The following ADCY8 variants were observed in gnomAD, a reference collection of about 807,000 sequenced individuals.
ADCY8 encodes adenylate cyclase type 8.
Under a neutral mutation model 119.7 loss-of-function variants are expected in ADCY8, and 51 were observed. The ratio of observed to expected loss-of-function variants is 0.43; its 90% CI spans 0.34 to 0.54. The LOEUF is 0.54. ADCY8 is among the 20% of genes least tolerant of loss of function. The pLI is 0.03. For synonymous variants in ADCY8, 665 were observed against 651.0 expected (o/e 1.02, Z -0.33); for missense variants, 1,383 against 1,598.8 (o/e 0.87, Z 2.30).
intron 11 of ADCY8, among the ~76,000 whole-genome samples, chr8:130,840,144 A>C (rs1314230868): frequency 7.2e-6 from 1 of 139,598 alleles, no homozygotes; most frequent in African/African-American, 2.4e-5. Context: ...AGGAAAAGGC[A>C]GTGAGTTCTT....
chr8:131,032,970 A>C (rs1388208660), intron 1 of ADCY8, among the ~76,000 whole-genome samples: 2 of 152,192 alleles, frequency 1.3e-5, no homozygotes, highest in Non-Finnish European at 2.9e-5. Flanking sequence ...TGCAACCTTC[A>C]ATACTGCCAC....
chr8:130,780,979 G>T, intron 17 of ADCY8, 102 bp from the exon 18 acceptor site: 1 of 1,467,654 alleles, frequency 6.8e-7, no homozygotes, highest in Non-Finnish European at 9.3e-7. Context: ...TGGGGTCTCT[G>T]TGGATGAACG....
At chr8:130,912,665 G>A (rs1820017196) in intron 5 of ADCY8, among the ~76,000 whole-genome samples, 1 of 152,156 alleles carries the variant, frequency 6.6e-6, no homozygotes, top group Admixed American at 6.5e-5. Context: ...TTGAGAATAT[G>A]GAAATATTGT....
chr8:130,900,593 TA>T (rs1028011575), intron 7 of ADCY8, among the ~76,000 whole-genome samples: 13 of 152,178 alleles, frequency 8.5e-5, no homozygotes, highest in African/African-American at 3.1e-4. Context: ...CCTTCCTTCT[TA>T]AAATGCCATA....
At chr8:130,828,100 C>T (rs1816721078) in intron 12 of ADCY8, among the ~76,000 whole-genome samples, 1 of 152,166 alleles carries the variant, frequency 6.6e-6, no homozygotes, top group Non-Finnish European at 1.5e-5. Context: ...GGCTTCTGAA[C>T]TGACGCCAGC....
intron 1 of ADCY8, among the ~76,000 whole-genome samples, chr8:131,034,633 C>A (rs922133250): frequency 6.6e-6 from 1 of 152,100 alleles, no homozygotes; most frequent in Non-Finnish European, 1.5e-5. Flanking sequence ...AATCTGACAG[C>A]ATGACCTTGA....
intron 5 of ADCY8, among the ~76,000 whole-genome samples, chr8:130,916,845 A>G (rs1462054287): frequency 6.6e-6 from 1 of 152,168 alleles, no homozygotes; most frequent in Non-Finnish European, 1.5e-5. Flanking sequence ...ATGTGGGTAA[A>G]TCTCTGTTCG....
intron 11 of ADCY8, among the ~76,000 whole-genome samples, chr8:130,843,347 C>G (rs1485664411): frequency 2.0e-5 from 3 of 152,158 alleles, no homozygotes. Context: ...CACATGCATG[C>G]ACTGATTGAA....
At chr8:130,968,467 G>A (rs977963839) in intron 2 of ADCY8, among the ~76,000 whole-genome samples, 1 of 152,114 alleles carries the variant, frequency 6.6e-6, no homozygotes, top group African/African-American at 2.4e-5. Context: ...CACCGCACCC[G>A]GCCAGTTATT....
intron 12 of ADCY8, among the ~76,000 whole-genome samples, chr8:130,827,606 C>A: frequency 6.6e-6 from 1 of 152,156 alleles, no homozygotes; most frequent in East Asian, 1.9e-4. Flanking sequence ...CCTTTCTCTT[C>A]CTTTCTCTTT....
intron 14 of ADCY8, among the ~76,000 whole-genome samples, 187 bp downstream of exon 14, chr8:130,813,882 T>C (rs970412129): frequency 6.6e-6 from 1 of 152,184 alleles, no homozygotes; most frequent in Admixed American, 6.5e-5. Context: ...CCTTATTATA[T>C]CCATCTTGTA....
chr8:130,994,380 G>T (rs1187051595), intron 1 of ADCY8, among the ~76,000 whole-genome samples: 1 of 152,184 alleles, frequency 6.6e-6, no homozygotes, highest in Non-Finnish European at 1.5e-5. Context: ...TTCCACCAAA[G>T]CTTCCCCATC....
At chr8:131,020,274 G>A (rs1212491578) in intron 1 of ADCY8, among the ~76,000 whole-genome samples, 3 of 152,146 alleles carry the variant, frequency 2.0e-5, no homozygotes, top group Non-Finnish European at 4.4e-5. Context: ...TAGATTAGAA[G>A]GGGGCAAAAG....
chr8:130,856,379 A>C (rs1248964837), intron 9 of ADCY8, among the ~76,000 whole-genome samples: 1 of 152,046 alleles, frequency 6.6e-6, no homozygotes, highest in Non-Finnish European at 1.5e-5. Context: ...AGTGTTTGCC[A>C]GGAATGTTAA....
intron 14 of ADCY8, among the ~76,000 whole-genome samples, chr8:130,812,102 A>C (rs1816187001): frequency 6.6e-6 from 1 of 152,128 alleles, no homozygotes; most frequent in African/African-American, 2.4e-5. Flanking sequence ...CACTGCCACC[A>C]TCCTAGGCCT....
intron 9 of ADCY8, among the ~76,000 whole-genome samples, chr8:130,866,642 C>T (rs986114764): frequency 1.3e-5 from 2 of 152,182 alleles, no homozygotes; most frequent in Non-Finnish European, 2.9e-5. Flanking sequence ...ACCTTTTCTG[C>T]AAATTTTTCC....
chr8:130,793,624 G>A (rs1485121274), intron 15 of ADCY8, among the ~76,000 whole-genome samples: 1 of 152,200 alleles, frequency 6.6e-6, no homozygotes, highest in Non-Finnish European at 1.5e-5. Flanking sequence ...CCCATAAACA[G>A]CAAATTCTCT....
At chr8:130,919,039 G>A (rs1360981369) in intron 5 of ADCY8, among the ~76,000 whole-genome samples, 1 of 152,176 alleles carries the variant, frequency 6.6e-6, no homozygotes, top group Non-Finnish European at 1.5e-5. Context: ...TTCCAGCCTG[G>A]GCGACAGAGT....
At chr8:130,949,917 T>C (rs1320875315) in intron 3 of ADCY8, among the ~76,000 whole-genome samples, 1 of 152,232 alleles carries the variant, frequency 6.6e-6, no homozygotes, top group Non-Finnish European at 1.5e-5. Flanking sequence ...AGGGCTGTTT[T>C]GCAAACTCAA....
Sources: gnomAD v4.1 joint callset for allele counts (sites outside exome capture counted in the v4.1 genomes callset) on GRCh38, gnomAD v4.1.1 for gene constraint, MANE v1.5 for transcripts, NCBI Gene and HGNC (gene_info 2026-07-23, HGNC 2026-07-21) for gene names.